Variants in SPAG16 observed in about 807,000 individuals in gnomAD.
SPAG16 encodes sperm associated antigen 16, also known as sperm-associated antigen 16 protein.
In SPAG16, 86 loss-of-function variants were observed where a neutral mutation model predicts 80.4. The observed-to-expected ratio is 1.07, with a 90% CI of 0.90 to 1.28. SPAG16 has a LOEUF of 1.28. SPAG16 is among the 50% of genes most tolerant of loss of function. The pLI, the probability that SPAG16 is intolerant of heterozygous loss-of-function variation, is 0.00. For synonymous variants in SPAG16, 294 were observed against 265.9 expected, an observed-to-expected ratio of 1.11 and a Z score of -1.03; for missense variants, 870 against 765.3, an observed-to-expected ratio of 1.14 and a Z score of -1.61.
intron 10 of SPAG16, among the ~76,000 whole-genome samples, 155 bp from the exon 11 acceptor site, chr2:213,862,330 G>A (rs1292282318): frequency 1.1e-4 from 16 of 152,116 alleles, no homozygotes; most frequent in Non-Finnish European, 4.4e-5. Context: ...GCTATAGCAG[G>A]GATGCAGAAC....
intron 9 of SPAG16, among the ~76,000 whole-genome samples, chr2:213,474,821 C>T (rs2073282007): frequency 6.6e-6 from 1 of 152,154 alleles, no homozygotes; most frequent in South Asian, 2.1e-4. Context: ...AGTTGGTGCC[C>T]ACCCAGATTA....
At chr2:213,912,651 T>C (rs2077726575) in intron 11 of SPAG16, among the ~76,000 whole-genome samples, 1 of 152,132 alleles carries the variant, frequency 6.6e-6, no homozygotes, top group South Asian at 2.1e-4. Flanking sequence ...TAGAGCTTGC[T>C]GTCCTGTGTT....
chr2:213,388,449 A>G (rs1295436890), intron 9 of SPAG16, among the ~76,000 whole-genome samples: 1 of 152,192 alleles, frequency 6.6e-6, no homozygotes, highest in Non-Finnish European at 1.5e-5. Flanking sequence ...AAGCAACTGC[A>G]TATATGGGGA....
intron 5 of SPAG16, among the ~76,000 whole-genome samples, chr2:213,320,658 G>C (rs796972254): frequency 6.6e-6 from 1 of 151,852 alleles, no homozygotes. Context: ...GTAAGGACAC[G>C]CAATATTTGT....
intron 15 of SPAG16, among the ~76,000 whole-genome samples, chr2:214,311,298 C>T (rs890769837): frequency 8.5e-5 from 13 of 152,116 alleles, no homozygotes; most frequent in Non-Finnish European, 1.2e-4. Flanking sequence ...CCAAAGTCAC[C>T]GTGGGTTTTG....
intron 10 of SPAG16, among the ~76,000 whole-genome samples, chr2:213,796,124 T>C (rs797012398): frequency 6.6e-6 from 1 of 152,184 alleles, no homozygotes; most frequent in South Asian, 2.1e-4. Context: ...ATTACAGATC[T>C]TTCGTGGGAT....
At chr2:213,808,166 T>C (rs1027334572) in intron 10 of SPAG16, among the ~76,000 whole-genome samples, 1 of 152,186 alleles carries the variant, frequency 6.6e-6, no homozygotes, top group African/African-American at 2.4e-5. Flanking sequence ...TTAAAATGAG[T>C]ACCTGCTATG....
chr2:213,976,276 G>A (rs561589486), intron 12 of SPAG16, among the ~76,000 whole-genome samples: 84 of 150,424 alleles, frequency 5.6e-4, no homozygotes, highest in South Asian at 2.3e-3. Context: ...ATACATATGC[G>A]TACACATGTG....
At chr2:213,473,608 A>T (rs1415719984) in intron 9 of SPAG16, among the ~76,000 whole-genome samples, 1 of 152,092 alleles carries the variant, frequency 6.6e-6, no homozygotes, top group Non-Finnish European at 1.5e-5. Flanking sequence ...TTTAATCCAT[A>T]TTTCAGCTAA....
intron 10 of SPAG16, among the ~76,000 whole-genome samples, chr2:213,831,660 A>C (rs2073666577): frequency 6.6e-6 from 1 of 152,170 alleles, no homozygotes; most frequent in Non-Finnish European, 1.5e-5. Flanking sequence ...AAGTTATAAC[A>C]CTAAAGCCTG....
At chr2:213,425,187 G>A (rs2069834587) in intron 9 of SPAG16, among the ~76,000 whole-genome samples, 1 of 152,052 alleles carries the variant, frequency 6.6e-6, no homozygotes, top group Non-Finnish European at 1.5e-5. Flanking sequence ...GCCAGGCATG[G>A]TGGTGGGCGC....
chr2:213,373,355 G>A (rs2066736403), intron 8 of SPAG16, among the ~76,000 whole-genome samples: 1 of 152,090 alleles, frequency 6.6e-6, no homozygotes, highest in Non-Finnish European at 1.5e-5. Flanking sequence ...TCGCTACATT[G>A]AGAAATACTT....
chr2:214,133,342 C>T (rs2054881412), intron 14 of SPAG16, among the ~76,000 whole-genome samples: 1 of 152,014 alleles, frequency 6.6e-6, no homozygotes, highest in African/African-American at 2.4e-5. Context: ...AAGAAAAAAT[C>T]ACCTCTATTT....
intron 6 of SPAG16, among the ~76,000 whole-genome samples, chr2:213,347,576 G>T (rs1315579760): frequency 1.3e-5 from 2 of 152,102 alleles, no homozygotes; most frequent in Non-Finnish European, 2.9e-5. Flanking sequence ...AGAGATTCTG[G>T]TATGTTGTAT....
intron 3 of SPAG16, among the ~76,000 whole-genome samples, chr2:213,303,047 G>C (rs567042751): frequency 5.9e-5 from 9 of 152,078 alleles, no homozygotes; most frequent in South Asian, 2.1e-4. Flanking sequence ...ATTTATTGTT[G>C]TATAATGAAT....
chr2:213,369,620 A>G (rs1050799005), intron 8 of SPAG16, among the ~76,000 whole-genome samples: 13 of 152,178 alleles, frequency 8.5e-5, no homozygotes, highest in African/African-American at 2.9e-4. Context: ...GCTAGAAGGC[A>G]CAGACAGTAT....
At chr2:214,304,379 A>G (rs1441273912) in intron 15 of SPAG16, among the ~76,000 whole-genome samples, 2 of 152,200 alleles carry the variant, frequency 1.3e-5, no homozygotes, top group African/African-American at 4.8e-5. Flanking sequence ...AAAACCACTT[A>G]AAGGCGTTCT....
chr2:214,328,218 C>T (rs112155630), intron 15 of SPAG16, among the ~76,000 whole-genome samples: 9,776 of 151,202 alleles, frequency 0.065, 1,030 homozygotes, highest in African/African-American at 0.22. Flanking sequence ...TGCAGTGGTG[C>T]GATCTTGGCT....
chr2:214,042,007 T>TATATAC (rs1371293247), intron 13 of SPAG16, among the ~76,000 whole-genome samples: 41 of 101,224 alleles, frequency 4.1e-4, no homozygotes, highest in Admixed American at 6.6e-4. Flanking sequence ...TATATATATA[T>TATATAC]ACACACACAC....
Sources: gnomAD v4.1 joint callset for allele counts (sites outside exome capture counted in the v4.1 genomes callset) on GRCh38, gnomAD v4.1.1 for gene constraint, MANE v1.5 for transcripts, NCBI Gene and HGNC (gene_info 2026-07-23, HGNC 2026-07-21) for gene names.